Variants in FCHO1 observed in about 807,000 individuals in gnomAD.
The protein encoded by FCHO1 is FCH and mu domain containing endocytic adaptor 1.
Under a neutral mutation model 114.4 loss-of-function variants are expected in FCHO1, and 45 were observed. The observed-to-expected ratio is 0.39, with a 90% CI of 0.31 to 0.50. The LOEUF (loss-of-function observed/expected upper bound fraction) is 0.50, where lower values mean the gene tolerates loss of function less well. Among genes scored for constraint, FCHO1 ranks in the 20% least tolerant of loss-of-function variants. FCHO1 has a pLI of 0.77. For synonymous variants in FCHO1, 480 were observed against 488.9 expected (o/e 0.98, Z 0.24); for missense variants, 1,042 against 1,209.6 (o/e 0.86, Z 2.06).
In FCHO1 at chr19:17,784,414, G is replaced by A. The variant is rs953644044; in HGVS notation, c.2226+179G>A. On this transcript the variant is annotated intron_variant, in intron 25 of 28. Coordinates refer to ENST00000596536, the MANE Select transcript of FCHO1 (RefSeq NM_015122.3). The surrounding 1 kb of genome is among the most constrained non-coding windows in gnomAD (Gnocchi z 5.3). The stretch of plus-strand genomic sequence containing the variant: ...TAGGCAGTGTGGGTCGGGAATGAAC[G>A]GTGGAGGAGTAGGCAGTGTGGAAGA... Among the ~76,000 whole-genome samples, 1 of 152,102 alleles carries A rather than the reference G, an allele frequency of 6.6e-6. No individual in the cohort carries two copies. The highest frequency in any genetic ancestry group is 1.5e-5 in the Non-Finnish European group (1 of 68,014).
rs779087848 is a variant in FCHO1 at position 17,751,713 on chromosome 19, T to TG, written c.-183+137dup. On this transcript the variant is annotated intron_variant, in intron 1 of 28. Transcript: ENST00000596536. This position sits in a 1 kb window ranked among gnomAD's most constrained non-coding sequence, Gnocchi z 4.4. Reference sequence around the variant, plus strand: ...GTCACTTCCTGGGCTGGCCAAAGCCTGCATGGGGCCACCCGTTGCCCTGCC... The same window carrying TG: ...GTCACTTCCTGGGCTGGCCAAAGCCTGGCATGGGGCCACCCGTTGCCCTGCC... 1 of 152,348 alleles carries TG rather than the reference T, an allele frequency of 6.6e-6. No homozygotes were observed. The highest frequency in any genetic ancestry group is 1.5e-5 in the Non-Finnish European group (1 of 68,150). 9.4% of individuals were successfully genotyped at this position (152,348 alleles called of 1,614,324 possible). A position where few individuals can be genotyped will look rare whatever the true frequency, so the allele number is the denominator to read the frequency against.
At position 17,781,876 on chromosome 19, in the gene FCHO1, C is replaced by T. The variant is rs184441988; in HGVS notation, c.1937+56C>T. On this transcript the variant is annotated intron_variant, in intron 23 of 28. Transcript: ENST00000596536. ...GGAAGTCTGTGTTGGGGGAGTCCAG[C>T]AGGGACAGCTTTCAGATGTGCTTCA... 8.3e-4 allele frequency: 987 copies of T among 1,196,092 alleles called. 4 individuals are homozygous for T. The African/African-American group carries it at 0.013, about 16-fold the overall frequency. 74.1% of individuals were successfully genotyped at this position (1,196,092 alleles called of 1,614,324 possible).
At chr19:17,765,846 A>G (rs1452181155) in intron 6 of FCHO1, among the ~76,000 whole-genome samples, 2 of 147,252 alleles carry the variant, frequency 1.4e-5, no homozygotes, top group Non-Finnish European at 3.0e-5. Flanking sequence ...GGCAGGCCAA[A>G]TTGACTCGAT....
At chr19:17,756,732 C>T (rs998006199) in intron 4 of FCHO1, among the ~76,000 whole-genome samples, 1 of 152,192 alleles carries the variant, frequency 6.6e-6, no homozygotes, top group African/African-American at 2.4e-5. Flanking sequence ...GTATTGAAGC[C>T]GCCATAGAAG....
chr19:17,757,280 C>G (rs2083968378), intron 4 of FCHO1, among the ~76,000 whole-genome samples: 1 of 152,102 alleles, frequency 6.6e-6, no homozygotes, highest in African/African-American at 2.4e-5. Context: ...CTGAGACAGC[C>G]CCTCCTAGGA....
chr19:17,754,795 A>G (rs1189450064), intron 3 of FCHO1, 114 bp downstream of exon 3: 6 of 277,800 alleles, frequency 2.2e-5, no homozygotes, highest in African/African-American at 4.6e-5. Context: ...ACCCACTGCT[A>G]TGAACTCTTA....
chr19:17,759,707 C>T (rs1050711462), intron 4 of FCHO1, among the ~76,000 whole-genome samples: 2 of 151,536 alleles, frequency 1.3e-5, no homozygotes, highest in African/African-American at 4.8e-5. Context: ...CCGAGGCAGG[C>T]AGATCAGTTG....
intron 4 of FCHO1, among the ~76,000 whole-genome samples, chr19:17,758,389 T>C (rs986351033): frequency 6.6e-6 from 1 of 152,088 alleles, no homozygotes; most frequent in African/African-American, 2.4e-5. Flanking sequence ...ATGGCGGGAA[T>C]AGCCTGGACA....
intron 11 of FCHO1, among the ~76,000 whole-genome samples, chr19:17,773,758 TCTG>T (rs1454977163): frequency 6.6e-6 from 1 of 152,078 alleles, no homozygotes; most frequent in Admixed American, 6.6e-5. Context: ...CCATCCCACT[TCTG>T]ATGATGTGGG....
At position 17,775,785 on chromosome 19, in the gene FCHO1, G is replaced by A. The variant is rs1479027716; in HGVS notation, c.1004-198G>A. On this transcript the variant is annotated intron_variant, in intron 15 of 28. Coordinates refer to ENST00000596536, the MANE Select transcript of FCHO1 (RefSeq NM_015122.3). The surrounding 1 kb of genome is among the most constrained non-coding windows in gnomAD (Gnocchi z 5.1). ...ATAGGAGTTTGCCAGTTAGTTCTGG[G>A]CATGCTTGTGCAAAGGCTTCTCGGG... 6.6e-6 allele frequency among the ~76,000 whole-genome samples: 1 copy of A among 151,610 alleles called. No homozygotes were observed. Among genetic ancestry groups the A allele is most frequent in the Non-Finnish European group, 1.5e-5 (1 of 67,942 alleles).
rs1379847065 is a variant in FCHO1, at chr19:17,775,879, G to A, written c.1004-104G>A. On this transcript the variant is annotated intron_variant, in intron 15 of 28. Transcript: ENST00000596536. This position sits in a 1 kb window ranked among gnomAD's most constrained non-coding sequence, Gnocchi z 5.1. Reference sequence around the variant, plus strand: ...GGCGCGTGGTGAGCGATGGGATTGGGCAGGACCTCGAAGGGTTTGAGCAGG... The same window carrying A: ...GGCGCGTGGTGAGCGATGGGATTGGACAGGACCTCGAAGGGTTTGAGCAGG... The A allele has an allele frequency of 2.2e-6, 3 of 1,380,264 alleles. No individual in the cohort carries two copies. Among genetic ancestry groups the A allele is most frequent in the Non-Finnish European group, 3.0e-6 (3 of 1,008,944 alleles). 85.5% of individuals were successfully genotyped at this position (1,380,264 alleles called of 1,614,324 possible). A position where few individuals can be genotyped will look rare whatever the true frequency, so the allele number is the denominator to read the frequency against.
chr19:17,777,229 C>T (rs546538077), intron 18 of FCHO1, among the ~76,000 whole-genome samples: 3 of 152,136 alleles, frequency 2.0e-5, no homozygotes, highest in Non-Finnish European at 2.9e-5. Flanking sequence ...ATTCTAGTGA[C>T]TCCAGATTTT....
Position 17,775,162 on chromosome 19 carries a change from T to C in FCHO1, c.945+82T>C, listed in dbSNP as rs1192086221. 4.1e-6 allele frequency: 6 copies of C among 1,460,554 alleles called. No individual in the cohort carries two copies. Among genetic ancestry groups the C allele is most frequent in the African/African-American group, 1.4e-5 (1 of 71,062 alleles). 90.5% of individuals were successfully genotyped at this position (1,460,554 alleles called of 1,614,324 possible). A position where few individuals can be genotyped will look rare whatever the true frequency, so the allele number is the denominator to read the frequency against. ...TCTTGGCTCCTAGAGTCCCGATCCC[T>C]ACTGGAAACTAAAGAGCCGAGATTG... On this transcript the variant is annotated intron_variant, in intron 14 of 28. Coordinates refer to ENST00000596536, the MANE Select transcript of FCHO1 (RefSeq NM_015122.3). This position sits in a 1 kb window ranked among gnomAD's most constrained non-coding sequence, Gnocchi z 5.1.
Position 17,751,843 on chromosome 19 carries a change from A to G in FCHO1, c.-183+266A>G, listed in dbSNP as rs1391865868. 6.6e-6 allele frequency among the ~76,000 whole-genome samples: 1 copy of G among 152,264 alleles called. No individual in the cohort carries two copies. The highest frequency in any genetic ancestry group is 1.5e-5 in the Non-Finnish European group (1 of 68,044). ...GCGTGATGGTTTCAAACAGGAGGTC[A>G]TTGGCAGACAGACCAGGGGCAAAAT... On this transcript the variant is annotated intron_variant, in intron 1 of 28. Transcript: ENST00000596536. The surrounding 1 kb of genome is among the most constrained non-coding windows in gnomAD (Gnocchi z 4.4).
At position 17,776,315 on chromosome 19, in the gene FCHO1, G is replaced by C; in HGVS notation, c.1207+44G>C. ...TCAGAGTGGGGAGGATCCTAAGGAAGGGAGGCTATGGGTTTGGGCTTGAAT... is the reference window on the plus strand; with the variant it reads ...TCAGAGTGGGGAGGATCCTAAGGAACGGAGGCTATGGGTTTGGGCTTGAAT... On this transcript the variant is annotated intron_variant, in intron 17 of 28. Transcript: ENST00000596536. This position sits in a 1 kb window ranked among gnomAD's most constrained non-coding sequence, Gnocchi z 4.4. 10 of 1,612,656 alleles carry C rather than the reference G, an allele frequency of 6.2e-6. No individual in the cohort carries two copies. Among genetic ancestry groups the C allele is most frequent in the Non-Finnish European group, 8.5e-6 (10 of 1,178,688 alleles).
upstream of FCHO1, among the ~76,000 whole-genome samples, chr19:17,751,094 C>T (rs555725572): frequency 5.6e-4 from 85 of 152,252 alleles, no homozygotes; most frequent in African/African-American, 1.7e-3. The surrounding 1 kb of genome is among the most constrained non-coding windows in gnomAD (Gnocchi z 4.4). Flanking sequence ...CCCACCTTGG[C>T]CTCTCAAAGT....
At chr19:17,778,984 C>T (rs2093018644) in intron 20 of FCHO1, 100 bp downstream of exon 20, 2 of 1,271,136 alleles carry the variant, frequency 1.6e-6, no homozygotes, top group Non-Finnish European at 2.1e-6. Flanking sequence ...GGAGACACAG[C>T]CAGGACCAGG....
In FCHO1 at chr19:17,781,331, C is replaced by T. The variant is rs777620652; in HGVS notation, c.1728C>T (p.Ser576=). 1 of 1,613,734 alleles carries T rather than the reference C, an allele frequency of 6.2e-7. No individual in the cohort carries two copies. Among genetic ancestry groups the T allele is most frequent in the Non-Finnish European group, 8.5e-7 (1 of 1,179,672 alleles). The part of the protein sequence containing the change: ...SRKVSCPLTR[S]NGDLSRSLSP... ...AGGTGTCCTGCCCTCTCACACGTAG[C>T]AATGGGGACCTGGTAGGTGAGGGGG... The change falls in exon 21 of 29, where the codon AGC becomes AGT. Residue 576 remains serine, a synonymous_variant. Coordinates refer to ENST00000596536, the MANE Select transcript of FCHO1 (RefSeq NM_015122.3).
intron 13 of FCHO1, 200 bp downstream of exon 13, chr19:17,774,678 A>G: frequency 1.7e-6 from 1 of 596,758 alleles, no homozygotes; most frequent in Non-Finnish European, 3.0e-6. Context: ...AAGCTAGTCC[A>G]GAATTCTTCC....
Sources: allele counts gnomAD v4.1 joint callset (sites outside exome capture counted in the v4.1 genomes callset), GRCh38; gene constraint gnomAD v4.1.1; non-coding constraint Gnocchi (gnomAD v3.1); transcripts MANE v1.5; gene names NCBI Gene and HGNC (gene_info 2026-07-23, HGNC 2026-07-21).